LRP8: variants seen among roughly 807,000 people sequenced by gnomAD.
The protein encoded by LRP8 is LDL receptor related protein 8.
LRP8 carries 46 observed loss-of-function variants against 111.6 expected under a neutral mutation model. That is an observed-to-expected ratio of 0.41 (90% CI 0.33 to 0.53). The LOEUF (loss-of-function observed/expected upper bound fraction) is 0.53. Among genes scored for constraint, LRP8 ranks in the 20% least tolerant of loss-of-function variants. The probability of loss-of-function intolerance (pLI) is 0.20; values close to 1 mark genes in which losing one functional copy is unlikely to be tolerated. For synonymous variants in LRP8, 464 were observed against 511.2 expected (o/e 0.91, Z 1.24); for missense variants, 959 against 1,297.4 (o/e 0.74, Z 4.01).
At chr1:53,292,591 A>C (rs1322265783) in intron 2 of LRP8, among the ~76,000 whole-genome samples, 1 of 152,214 alleles carries the variant, frequency 6.6e-6, no homozygotes, top group Non-Finnish European at 1.5e-5. Context: ...TTTTCCCCCC[A>C]CAAGAAGCTC....
intron 2 of LRP8, among the ~76,000 whole-genome samples, chr1:53,314,470 G>A (rs982645928): frequency 1.3e-5 from 2 of 152,224 alleles, no homozygotes; most frequent in African/African-American, 2.4e-5. Context: ...CTAAGCATGG[G>A]GGCTGTGGCA....
chr1:53,299,866 G>A (rs1009902970), intron 2 of LRP8, among the ~76,000 whole-genome samples: 3 of 152,234 alleles, frequency 2.0e-5, no homozygotes, highest in African/African-American at 7.2e-5. Context: ...ATGGTGAGTT[G>A]GATGAGATAA....
chr1:53,257,562 G>T, intron 14 of LRP8, 98 bp from the exon 15 acceptor site: 1 of 862,676 alleles, frequency 1.2e-6, no homozygotes, highest in Non-Finnish European at 1.9e-6. Context: ...TCATGGCGTA[G>T]CTCAAATGCC....
chr1:53,289,335 C>G (rs1648199560), intron 3 of LRP8: 1 of 445,608 alleles, frequency 2.2e-6, no homozygotes, highest in African/African-American at 2.0e-5. Context: ...AGGGCTGTTT[C>G]TAGCTCCTGC....
chr1:53,323,243 G>A (rs776101757), intron 2 of LRP8, among the ~76,000 whole-genome samples: 4 of 152,166 alleles, frequency 2.6e-5, no homozygotes, highest in East Asian at 1.9e-4. Flanking sequence ...GGCCAGTTAC[G>A]TAACCCGTCT....
chr1:53,325,376 G>C (rs1557878088), intron 2 of LRP8, among the ~76,000 whole-genome samples: 1 of 152,208 alleles, frequency 6.6e-6, no homozygotes, highest in African/African-American at 2.4e-5. Flanking sequence ...GATTAAAGGA[G>C]TTTATACAAG....
intron 2 of LRP8, among the ~76,000 whole-genome samples, chr1:53,292,391 A>G (rs1232392616): frequency 6.6e-6 from 1 of 152,198 alleles, no homozygotes; most frequent in African/African-American, 2.4e-5. Context: ...CATGGCAGGG[A>G]TAAGAACAGC....
chr1:53,271,473 A>G, intron 6 of LRP8, 127 bp from the exon 7 acceptor site: 1 of 1,027,138 alleles, frequency 9.7e-7, no homozygotes. Context: ...GGAGGGCTCC[A>G]CAACCTCACT....
chr1:53,309,147 C>T (rs1306211074), intron 2 of LRP8, among the ~76,000 whole-genome samples: 1 of 152,116 alleles, frequency 6.6e-6, no homozygotes, highest in Non-Finnish European at 1.5e-5. Flanking sequence ...TGGTCGCAGG[C>T]GCCTGTAATG....
rs551690536 is a variant in LRP8 at position 53,269,419 on chromosome 1, C to G, written c.1252+1609G>C. Among the ~76,000 whole-genome samples, 3 of 152,172 alleles carry G rather than the reference C, an allele frequency of 2.0e-5. No individual in the cohort carries two copies. In the East Asian group the frequency reaches 5.8e-4, roughly 29 times the overall value. On this transcript the variant is annotated intron_variant, in intron 8 of 18. Transcript: ENST00000306052. ...CCTCAAACTCCCAGGCTCAAGGGATCTTCCTGCCTCAGTCTCCTGAGTAGC... is the reference window on the plus strand; with the variant it reads ...CCTCAAACTCCCAGGCTCAAGGGATGTTCCTGCCTCAGTCTCCTGAGTAGC...
rs1198528532 is a variant in LRP8 at position 53,250,906 on chromosome 1, C to G, written c.2504-44G>C. The G allele has an allele frequency of 6.4e-7, 1 of 1,563,768 alleles. No individual in the cohort carries two copies. Among genetic ancestry groups the G allele is most frequent in the Non-Finnish European group, 8.8e-7 (1 of 1,135,104 alleles). Reference sequence around the variant, plus strand: ...ACACTGGACCTCCAGCAGGCTCCAACCCACTGCTCAGACATCTGTACAAGG... The same window carrying G: ...ACACTGGACCTCCAGCAGGCTCCAAGCCACTGCTCAGACATCTGTACAAGG... On this transcript the variant is annotated intron_variant, in intron 16 of 18. Transcript: ENST00000306052. The surrounding 1 kb of genome is among the most constrained non-coding windows in gnomAD (Gnocchi z 4.6).
intron 10 of LRP8, 57 bp downstream of exon 10, chr1:53,264,112 C>T (rs921168665): frequency 2.6e-6 from 4 of 1,530,418 alleles, no homozygotes; most frequent in Non-Finnish European, 3.6e-6. Context: ...TTGTGACAGA[C>T]ACAAGAGGAC....
At chr1:53,307,984 C>G (rs1015779237) in intron 2 of LRP8, among the ~76,000 whole-genome samples, 3 of 152,200 alleles carry the variant, frequency 2.0e-5, no homozygotes, top group African/African-American at 7.2e-5. Flanking sequence ...CTGGTTCCAA[C>G]AGTGCTCCTA....
chr1:53,271,608 G>C (rs1201973076), intron 6 of LRP8, among the ~76,000 whole-genome samples: 1 of 152,118 alleles, frequency 6.6e-6, no homozygotes, highest in Non-Finnish European at 1.5e-5. Context: ...CGGCCTCCCG[G>C]CTGGGGCTCT....
At chr1:53,295,413 C>A (rs1649516714) in intron 2 of LRP8, among the ~76,000 whole-genome samples, 1 of 152,148 alleles carries the variant, frequency 6.6e-6, no homozygotes, top group South Asian at 2.1e-4. Flanking sequence ...AAGTTGTGCA[C>A]AAAGCTGCCC....
intron 16 of LRP8, among the ~76,000 whole-genome samples, chr1:53,253,177 G>A (rs1645953664): frequency 6.6e-6 from 1 of 152,040 alleles, no homozygotes; most frequent in Admixed American, 6.6e-5. Flanking sequence ...AAAACATCAG[G>A]AGATATTTTA....
chr1:53,273,733 G>A (rs1034494079), intron 6 of LRP8, among the ~76,000 whole-genome samples: 5 of 152,182 alleles, frequency 3.3e-5, no homozygotes, highest in Non-Finnish European at 7.4e-5. Context: ...TAGAAGCTGA[G>A]TCACTTTCAC....
intron 2 of LRP8, among the ~76,000 whole-genome samples, chr1:53,312,105 G>A (rs989603178): frequency 3.3e-5 from 5 of 152,306 alleles, no homozygotes; most frequent in South Asian, 4.1e-4. Flanking sequence ...TAGAAATGGC[G>A]GTGGTAACAC....
chr1:53,310,100 C>T (rs992083627), intron 2 of LRP8, among the ~76,000 whole-genome samples: 1 of 152,148 alleles, frequency 6.6e-6, no homozygotes, highest in African/African-American at 2.4e-5. Flanking sequence ...ACAGGAAGGG[C>T]TCTGGGCCCC....
Sources: allele counts gnomAD v4.1 joint callset (sites outside exome capture counted in the v4.1 genomes callset), GRCh38; gene constraint gnomAD v4.1.1; non-coding constraint Gnocchi (gnomAD v3.1); transcripts MANE v1.5; gene names NCBI Gene and HGNC (gene_info 2026-07-23, HGNC 2026-07-21).